Variants in CDH18 observed in about 807,000 individuals in gnomAD.
CDH18 encodes the protein cadherin-18.
In CDH18, 31 loss-of-function variants were observed where a neutral mutation model predicts 67.9. The ratio of observed to expected loss-of-function variants is 0.46; its 90% CI spans 0.34 to 0.62. The LOEUF (loss-of-function observed/expected upper bound fraction) is 0.62, where lower values mean the gene tolerates loss of function less well. Among genes scored for constraint, CDH18 ranks in the 20% least tolerant of loss-of-function variants. CDH18 has a pLI of 0.01. For synonymous variants in CDH18, 362 were observed against 347.2 expected (o/e 1.04, Z -0.48); for missense variants, 890 against 975.5 (o/e 0.91, Z 1.17).
intron 8 of CDH18, among the ~76,000 whole-genome samples, chr5:19,559,893 C>G (rs989207709): frequency 1.3e-5 from 2 of 149,536 alleles, no homozygotes; most frequent in African/African-American, 5.0e-5. Flanking sequence ...AAATCAGGAA[C>G]TCAACCCCTT....
intron 3 of CDH18, among the ~76,000 whole-genome samples, chr5:19,789,636 A>C (rs1288561365): frequency 6.6e-6 from 1 of 152,172 alleles, no homozygotes; most frequent in Admixed American, 6.6e-5. Flanking sequence ...ACAAATAGGC[A>C]AGAAGAGAAG....
At chr5:20,062,818 G>A (rs928234813) in intron 2 of CDH18, among the ~76,000 whole-genome samples, 2 of 152,124 alleles carry the variant, frequency 1.3e-5, no homozygotes, top group Admixed American at 1.3e-4. Context: ...GCTTAGGTCA[G>A]TCCTTTTCAA....
intron 2 of CDH18, among the ~76,000 whole-genome samples, chr5:20,237,688 C>G (rs1025336411): frequency 2.6e-5 from 4 of 151,816 alleles, no homozygotes; most frequent in African/African-American, 9.7e-5. Flanking sequence ...AGAGCAAAAC[C>G]TTGCTCCTGT....
intron 2 of CDH18, among the ~76,000 whole-genome samples, chr5:19,926,918 C>T (rs777216662): frequency 1.5e-4 from 23 of 151,930 alleles, no homozygotes; most frequent in Non-Finnish European, 2.8e-4. Context: ...GGGTATACCT[C>T]AATGAAGGAG....
chr5:20,555,547 T>C lies in CDH18; in HGVS notation c.-580+19915A>G, dbSNP rs540949107. 4.9e-3 allele frequency among the ~76,000 whole-genome samples: 743 copies of C among 150,464 alleles called. 1 individual carries two copies. The highest frequency in any genetic ancestry group is 7.1e-3 in the Non-Finnish European group (482 of 67,624). On this transcript the variant is annotated intron_variant, in intron 1 of 14. Coordinates refer to the CDH18 transcript ENST00000507958. ...GCAACCTCTGCCTCCCTGGTTCAAG[T>C]GATTCTCCTGCCTCAGCCTCCCAAG... is the stretch of plus-strand genomic sequence containing the variant.
chr5:20,523,539 G>T (rs1253667040), intron 1 of CDH18, among the ~76,000 whole-genome samples: 2 of 152,086 alleles, frequency 1.3e-5, no homozygotes, highest in Admixed American at 6.6e-5. Context: ...ACACAAGCAA[G>T]GATCATAACT....
At chr5:20,180,760 C>T (rs1482492839) in intron 2 of CDH18, among the ~76,000 whole-genome samples, 1 of 152,088 alleles carries the variant, frequency 6.6e-6, no homozygotes, top group Non-Finnish European at 1.5e-5. Flanking sequence ...CCAGCTTTCA[C>T]TATCTTGTGT....
chr5:20,432,534 G>A (rs75395718), intron 1 of CDH18, among the ~76,000 whole-genome samples: 2 of 151,924 alleles, frequency 1.3e-5, no homozygotes, highest in African/African-American at 2.4e-5. Context: ...TTACAGTTTT[G>A]GAAGTAAGAA....
chr5:19,871,080 AT>A (rs1786214593), intron 2 of CDH18, among the ~76,000 whole-genome samples: 1 of 152,188 alleles, frequency 6.6e-6, no homozygotes. Flanking sequence ...TTATCCACAG[AT>A]GTGCAGAGGT....
intron 2 of CDH18, among the ~76,000 whole-genome samples, chr5:20,175,006 C>A (rs540482743): frequency 9.2e-5 from 14 of 152,008 alleles, no homozygotes; most frequent in Admixed American, 3.9e-4. Context: ...GAAGTCAGTA[C>A]GTTTATTTTG....
chr5:19,554,310 T>G, intron 8 of CDH18, among the ~76,000 whole-genome samples: 1 of 152,166 alleles, frequency 6.6e-6, no homozygotes, highest in Non-Finnish European at 1.5e-5. Context: ...TCTTGAGTTC[T>G]AGAAATGCTA....
chr5:20,196,460 T>A (rs1261415899), intron 2 of CDH18, among the ~76,000 whole-genome samples: 1 of 152,174 alleles, frequency 6.6e-6, no homozygotes, highest in East Asian at 1.9e-4. Flanking sequence ...AATTCTGGGA[T>A]CTTTGCCATT....
intron 1 of CDH18, among the ~76,000 whole-genome samples, chr5:20,524,275 T>C (rs1007264269): frequency 6.6e-6 from 1 of 152,196 alleles, no homozygotes; most frequent in African/African-American, 2.4e-5. Flanking sequence ...AAATAGATTA[T>C]AATTAGTTTT....
intron 2 of CDH18, among the ~76,000 whole-genome samples, chr5:20,049,478 C>T (rs1050483335): frequency 4.0e-5 from 6 of 151,602 alleles, no homozygotes; most frequent in Non-Finnish European, 8.9e-5. Context: ...ATATAACAAA[C>T]ATGCACATGT....
chr5:20,222,504 T>C (rs983840182), intron 2 of CDH18, among the ~76,000 whole-genome samples: 1 of 152,162 alleles, frequency 6.6e-6, no homozygotes, highest in Non-Finnish European at 1.5e-5. Context: ...ACAATGTGGC[T>C]TCTAGAAATA....
intron 2 of CDH18, among the ~76,000 whole-genome samples, chr5:20,175,026 T>C (rs377134392): frequency 6.6e-6 from 1 of 152,154 alleles, no homozygotes; most frequent in Non-Finnish European, 1.5e-5. Context: ...GTGACCAATA[T>C]GGTCTAGACT....
At position 20,503,110 on chromosome 5, in the gene CDH18, A is replaced by C. The variant is rs548660835; in HGVS notation, c.-580+72352T>G. On this transcript the variant is annotated intron_variant, in intron 1 of 14. Coordinates refer to the CDH18 transcript ENST00000507958. ...TTTTAAATCAGATTTTTCAACTATT[A>C]GTTTCACATTAATTCAAATTTGAGT... 9.2e-5 allele frequency among the ~76,000 whole-genome samples: 14 copies of C among 152,252 alleles called. No individual in the cohort carries two copies. In the South Asian group the frequency reaches 2.7e-3, roughly 29 times the overall value.
At chr5:20,498,278 G>A (rs1754031210) in intron 1 of CDH18, among the ~76,000 whole-genome samples, 1 of 151,970 alleles carries the variant, frequency 6.6e-6, no homozygotes, top group Admixed American at 6.6e-5. Flanking sequence ...TCTTGCATAT[G>A]CACATTTCAA....
chr5:20,330,933 A>G (rs1208601959), intron 1 of CDH18, among the ~76,000 whole-genome samples: 2 of 152,162 alleles, frequency 1.3e-5, no homozygotes, highest in Admixed American at 6.5e-5. Context: ...ATGTCCCCCA[A>G]ACAAATTCTT....
Sources: gnomAD v4.1 joint callset for allele counts (sites outside exome capture counted in the v4.1 genomes callset) on GRCh38, gnomAD v4.1.1 for gene constraint, MANE v1.5 for transcripts, NCBI Gene and HGNC (gene_info 2026-07-23, HGNC 2026-07-21) for gene names.